The following CHD3 variants were observed in gnomAD, a reference collection of about 807,000 sequenced individuals.
CHD3 encodes ATP-dependent chromatin remodeler CHD3.
In CHD3, 52 loss-of-function variants were observed where a neutral mutation model predicts 248.9. That is an observed-to-expected ratio of 0.21 (90% CI 0.17 to 0.26). CHD3 has a LOEUF of 0.26. Ranked by LOEUF, CHD3 falls within the 10% of genes least tolerant of loss-of-function variation. The pLI, the probability that CHD3 is intolerant of heterozygous loss-of-function variation, is 1.00. For missense variants in CHD3, 1,482 were observed against 2,605.8 expected, an observed-to-expected ratio of 0.57 and a Z score of 9.39; for synonymous variants, 985 against 985.2, an observed-to-expected ratio of 1.00 and a Z score of 0.00.
At chr17:7,884,847 A>C (rs1484050219), upstream of CHD3, 2 of 1,049,036 alleles carry the variant, frequency 1.9e-6, no homozygotes, top group East Asian at 6.6e-5. Context: ...GAGGAGGAGG[A>C]GATGGTGGTG....
rs747083149 is a variant in CHD3 at position 7,899,016 on chromosome 17, C to T, written c.2157C>T (p.Thr719=). The T allele has an allele frequency of 3.7e-5, 59 of 1,613,718 alleles. No individual in the cohort carries two copies. In the Middle Eastern group the frequency reaches 6.6e-4, roughly 18 times the overall value. Residue 719 remains threonine, a synonymous_variant, in exon 14 of 40, where the codon ACC becomes ACT. Transcript: ENST00000330494. The surrounding 1 kb of genome is among the most constrained non-coding windows in gnomAD (Gnocchi z 6.8). The stretch of plus-strand genomic sequence containing the variant: ...CTGACTTCTTGTCTCTATAGCCTAC[C>T]GTGAAATATGAGACTCAGCCACGGT... ...GPPSSPTNDP[T]VKYETQPRFI...
rs1273189188 is a variant in CHD3, at chr17:7,897,585, A to G, written c.1919+291A>G. On this transcript the variant is annotated intron_variant, in intron 11 of 39. Coordinates refer to ENST00000330494, the MANE Select transcript of CHD3 (RefSeq NM_001005273.3). The surrounding 1 kb of genome is among the most constrained non-coding windows in gnomAD (Gnocchi z 4.8). ...GGCATGAAAGCAAAACATGAGAGAC[A>G]TAATTCATCCAGACCAGTGTTTTGA... Among the ~76,000 whole-genome samples, 1 of 152,232 alleles carries G rather than the reference A, an allele frequency of 6.6e-6. No homozygotes were observed. Among genetic ancestry groups the G allele is most frequent in the South Asian group, 2.1e-4 (1 of 4,834 alleles).
In CHD3 at chr17:7,910,164, C is replaced by T; in HGVS notation, c.5591-264C>T. ...TTCCTTTCCTCCATGCTCCCTTTTT[C>T]TTTCTTCTTTCTCTCCATCTGTCTT... On this transcript the variant is annotated intron_variant, in intron 37 of 39. Transcript: ENST00000330494. This position sits in a 1 kb window ranked among gnomAD's most constrained non-coding sequence, Gnocchi z 4.7. The T allele has an allele frequency of 1.5e-5, 5 of 329,598 alleles. No homozygotes were observed. The highest frequency in any genetic ancestry group is 6.8e-5 in the African/African-American group (3 of 44,302). 20.4% of individuals were successfully genotyped at this position (329,598 alleles called of 1,614,324 possible). A position where few individuals can be genotyped will look rare whatever the true frequency, so the allele number is the denominator to read the frequency against.
intron 12 of CHD3, 60 bp from the exon 13 acceptor site, chr17:7,898,436 A>T (rs1398768702): frequency 7.8e-7 from 1 of 1,287,836 alleles, no homozygotes; most frequent in African/African-American, 1.5e-5. Flanking sequence ...GAATGGGTTC[A>T]GAAAAGAAAG....
chr17:7,898,643 G>A (rs1597961845), intron 13 of CHD3, 48 bp downstream of exon 13: 3 of 1,466,294 alleles, frequency 2.0e-6, no homozygotes, highest in Admixed American at 1.8e-5. Flanking sequence ...GATGGTGATC[G>A]AAGATTTTCC....
At chr17:7,898,473 A>C (rs1969945955) in intron 12 of CHD3, 23 bp from the exon 13 acceptor site, 4 of 1,581,568 alleles carry the variant, frequency 2.5e-6, no homozygotes, top group South Asian at 2.2e-5. Flanking sequence ...ATGAGGCCTC[A>C]TTCAGACCCA....
Position 7,909,400 on chromosome 17 carries a change from G to A in CHD3, c.5590+62G>A, listed in dbSNP as rs1383406561. ...ACAACGCTGCGTAAGTCTTCACCCC[G>A]CACCCCTCAAAATCTTCCCACCCCC... On this transcript the variant is annotated intron_variant, in intron 37 of 39. Transcript: ENST00000330494. This position sits in a 1 kb window ranked among gnomAD's most constrained non-coding sequence, Gnocchi z 8.1. 3.5e-5 allele frequency: 51 copies of A among 1,469,228 alleles called. No homozygotes were observed. Among genetic ancestry groups the A allele is most frequent in the South Asian group, 6.8e-5 (5 of 73,940 alleles). The allele number at this position is 1,469,228 out of a possible 1,614,324, so 91.0% of individuals were successfully genotyped here. A position where few individuals can be genotyped will look rare whatever the true frequency, so the allele number is the denominator to read the frequency against.
intron 13 of CHD3, 107 bp from the exon 14 acceptor site, chr17:7,898,904 T>C (rs758611574): frequency 2.0e-6 from 2 of 1,000,076 alleles, no homozygotes; most frequent in Non-Finnish European, 3.1e-6. Flanking sequence ...CAGGCCATAG[T>C]AGAGGGAATT....
At position 7,895,604 on chromosome 17, in the gene CHD3, C is replaced by T. The variant is rs1597947519; in HGVS notation, c.1707+62C>T. ...TCATTTCCTGCCATCCTCTCCCTCTCTTACTCCTCTGTTTGTTGGGTTCCC... is the reference window on the plus strand; with the variant it reads ...TCATTTCCTGCCATCCTCTCCCTCTTTTACTCCTCTGTTTGTTGGGTTCCC... On this transcript the variant is annotated intron_variant, in intron 10 of 39. Coordinates refer to ENST00000330494, the MANE Select transcript of CHD3 (RefSeq NM_001005273.3). This position sits in a 1 kb window ranked among gnomAD's most constrained non-coding sequence, Gnocchi z 4.9. 2.8e-6 allele frequency: 4 copies of T among 1,416,512 alleles called. No homozygotes were observed. Among genetic ancestry groups the T allele is most frequent in the South Asian group, 2.4e-5 (2 of 83,632 alleles). 87.7% of individuals were successfully genotyped at this position (1,416,512 alleles called of 1,614,324 possible).
intron 12 of CHD3, 38 bp downstream of exon 12, chr17:7,898,140 G>A (rs771264568): frequency 1.1e-5 from 17 of 1,608,972 alleles, no homozygotes; most frequent in African/African-American, 6.7e-5. Context: ...GGATTCTGAC[G>A]ATGAGGGCAT....
At chr17:7,890,153 G>A (rs1001311940) in intron 2 of CHD3, among the ~76,000 whole-genome samples, 3 of 152,168 alleles carry the variant, frequency 2.0e-5, no homozygotes, top group African/African-American at 4.8e-5. Flanking sequence ...GATAAAGGCC[G>A]GTTGCAGTGG....
Position 7,894,216 on chromosome 17 carries a change from C to T in CHD3, c.1026C>T (p.Val342=). 6.2e-7 allele frequency: 1 copy of T among 1,614,168 alleles called. No individual in the cohort carries two copies. Among genetic ancestry groups the T allele is most frequent in the Non-Finnish European group, 8.5e-7 (1 of 1,180,028 alleles). ...HSASGRPDGP[V]RTKKLKRGRP... is the part of the protein sequence containing the mutation. Reference sequence around the variant, plus strand: ...CCTCAGGCCGGCCTGATGGCCCTGTCCGCACCAAGAAACTAAAGAGAGGCC... The same window carrying T: ...CCTCAGGCCGGCCTGATGGCCCTGTTCGCACCAAGAAACTAAAGAGAGGCC... Residue 342 remains valine (V), a synonymous_variant, in exon 7 of 40, where the codon GTC becomes GTT. Coordinates refer to ENST00000330494, the MANE Select transcript of CHD3 (RefSeq NM_001005273.3).
rs141138068 is a variant in CHD3 at position 7,894,929 on chromosome 17, G to A, written c.1282G>A (p.Val428Ile). Residue 428 changes from valine to isoleucine, a missense_variant, in exon 9 of 40, where the codon GTC becomes ATC. By Grantham distance (29) the Val-to-Ile change is conservative (BLOSUM62 3). Coordinates refer to ENST00000330494, the MANE Select transcript of CHD3 (RefSeq NM_001005273.3). ...WSCPHCEKEG[V>I]QWEAKEEEEE... ...CTTGGCCCCCTAGGAGAAGGAGGGG[G>A]TCCAGTGGGAGGCCAAGGAGGAAGA... 11 of 1,612,590 alleles carry A rather than the reference G, an allele frequency of 6.8e-6. No individual in the cohort carries two copies. Among genetic ancestry groups the A allele is most frequent in the Middle Eastern group, 3.3e-4 (2 of 6,084 alleles).
chr17:7,890,435 A>G, intron 2 of CHD3, 136 bp from the exon 3 acceptor site: 1 of 676,224 alleles, frequency 1.5e-6, no homozygotes, highest in Non-Finnish European at 2.4e-6. Flanking sequence ...TCTCCAAAAA[A>G]AAAAAGGAGA....
chr17:7,906,828 G>A lies in CHD3; in HGVS notation c.4504-41G>A, dbSNP rs772437953. 1.3e-5 allele frequency: 21 copies of A among 1,611,354 alleles called. No homozygotes were observed. Among genetic ancestry groups the A allele is most frequent in the East Asian group, 6.7e-5 (3 of 44,844 alleles). Reference sequence around the variant, plus strand: ...AGACTGGAGCTTCCTGTCTGTAAGCGCCTGGAGCTGACACCTAACCCTCCC... The same window carrying A: ...AGACTGGAGCTTCCTGTCTGTAAGCACCTGGAGCTGACACCTAACCCTCCC... On this transcript the variant is annotated intron_variant, in intron 29 of 39. Transcript: ENST00000330494. This position sits in a 1 kb window ranked among gnomAD's most constrained non-coding sequence, Gnocchi z 5.0.
Position 7,895,404 on chromosome 17 carries a change from A to C in CHD3, c.1569A>C (p.Ala523=), listed in dbSNP as rs1869783593. ...LHWRWGEPPV[A]VPAPQQADGN... Reference sequence around the variant, plus strand: ...GGCGGTGGGGGGAGCCACCTGTAGCAGTGCCAGCCCCTCAACAGGCAGATG... The same window carrying C: ...GGCGGTGGGGGGAGCCACCTGTAGCCGTGCCAGCCCCTCAACAGGCAGATG... The change falls in exon 10 of 40, where the codon GCA becomes GCC. Residue 523 remains alanine (A), a synonymous_variant. Transcript: ENST00000330494. This position sits in a 1 kb window ranked among gnomAD's most constrained non-coding sequence, Gnocchi z 4.9. The C allele has an allele frequency of 6.2e-7, 1 of 1,614,174 alleles. No individual in the cohort carries two copies. The highest frequency in any genetic ancestry group is 1.3e-5 in the African/African-American group (1 of 75,036).
At chr17:7,894,072 A>AGAAT (rs760820477) in intron 6 of CHD3, 43 bp from the exon 7 acceptor site, 21 of 1,511,610 alleles carry the variant, frequency 1.4e-5, no homozygotes, top group African/African-American at 2.8e-5. Context: ...GGGAGGGCGT[A>AGAAT]GAATGAAGTC....
upstream of CHD3, chr17:7,888,702 G>T: frequency 1.6e-6 from 1 of 622,960 alleles, no homozygotes; most frequent in South Asian, 3.6e-5. Flanking sequence ...CTGGATTTGT[G>T]GGCCTGAGAG....
At position 7,911,340 on chromosome 17, in the gene CHD3, C is replaced by T. The variant is rs910889310; in HGVS notation, c.5882-124C>T. ...GGAAAGGGGTTTGCCCGGGTCTTCC[C>T]TCCCTCACGTGGGACAACGGGAAGT... is the stretch of plus-strand genomic sequence containing the variant. On this transcript the variant is annotated intron_variant, in intron 39 of 39. Coordinates refer to ENST00000330494, the MANE Select transcript of CHD3 (RefSeq NM_001005273.3). This position sits in a 1 kb window ranked among gnomAD's most constrained non-coding sequence, Gnocchi z 5.4. 1 of 1,474,290 alleles carries T rather than the reference C, an allele frequency of 6.8e-7. No individual in the cohort carries two copies. The highest frequency in any genetic ancestry group is 9.4e-7 in the Non-Finnish European group (1 of 1,065,394). 91.3% of individuals were successfully genotyped at this position (1,474,290 alleles called of 1,614,324 possible). A position where few individuals can be genotyped will look rare whatever the true frequency, so the allele number is the denominator to read the frequency against.
Sources: gnomAD v4.1 joint callset for allele counts (sites outside exome capture counted in the v4.1 genomes callset) on GRCh38, gnomAD v4.1.1 for gene constraint, Gnocchi (gnomAD v3.1) non-coding constraint, MANE v1.5 for transcripts, NCBI Gene and HGNC (gene_info 2026-07-23, HGNC 2026-07-21) for gene names.